The following SHROOM2 variants were observed in gnomAD, a reference collection of about 807,000 sequenced individuals.
SHROOM2 encodes the protein protein Shroom2.
A neutral mutation model predicts 75.9 loss-of-function variants in SHROOM2; 33 were observed. The observed-to-expected ratio is 0.43, with a 90% CI of 0.33 to 0.58. The LOEUF (loss-of-function observed/expected upper bound fraction) is 0.58, where lower values mean the gene tolerates loss of function less well. SHROOM2 is among the 20% of genes least tolerant of loss of function. SHROOM2 has a pLI of 0.04. For missense variants in SHROOM2, 1,434 were observed against 1,461.2 expected, an observed-to-expected ratio of 0.98 and a Z score of 0.30; for synonymous variants, 655 against 663.6, an observed-to-expected ratio of 0.99 and a Z score of 0.20.
intron 1 of SHROOM2, among the ~76,000 whole-genome samples, chrX:9,852,060 G>A (rs2084043832): frequency 9.0e-6 from 1 of 111,544 alleles, no homozygotes; most frequent in Non-Finnish European, 1.9e-5. Flanking sequence ...GTCCAGTAGA[G>A]AGGGCACGCT....
chrX:9,947,021 T>C lies in SHROOM2; in HGVS notation c.*84T>C. Reference sequence around the variant, plus strand: ...AGGATACTCGTGAAGACCCCATCTGTGTTCATGGCCTGGAAAGAGACTTCT... The same window carrying C: ...AGGATACTCGTGAAGACCCCATCTGCGTTCATGGCCTGGAAAGAGACTTCT... On this transcript the variant is annotated 3_prime_UTR_variant, in exon 10 of 10. Transcript: ENST00000380913. 2 of 958,170 alleles carry C rather than the reference T, an allele frequency of 2.1e-6. No individual in the cohort carries two copies. The highest frequency in any genetic ancestry group is 1.4e-6 in the Non-Finnish European group (1 of 711,052). 79.0% of individuals were successfully genotyped at this position (958,170 alleles called of 1,213,427 possible). A position where few individuals can be genotyped will look rare whatever the true frequency, so the allele number is the denominator to read the frequency against.
intron 1 of SHROOM2, among the ~76,000 whole-genome samples, chrX:9,807,264 C>T (rs895064041): frequency 8.9e-6 from 1 of 112,198 alleles, no homozygotes. Context: ...TGCAGGAAAG[C>T]CAGCCTGTGA....
At chrX:9,794,761 T>A (rs1289213662) in intron 1 of SHROOM2, among the ~76,000 whole-genome samples, 1 of 112,257 alleles carries the variant, frequency 8.9e-6, no homozygotes, top group Non-Finnish European at 1.9e-5. Flanking sequence ...ACAACACAAG[T>A]TTCTGCAGTC....
At chrX:9,858,837 G>T (rs1000169745) in intron 1 of SHROOM2, among the ~76,000 whole-genome samples, 1 of 111,502 alleles carries the variant, frequency 9.0e-6, no homozygotes, top group African/African-American at 3.3e-5. Context: ...GTGAGAAGGG[G>T]TGAGGATCTG....
chrX:9,786,574 C>G lies in SHROOM2; in HGVS notation c.29C>G (p.Pro10Arg). The G allele has an allele frequency of 1.2e-6, 1 of 862,062 alleles. No homozygotes were observed. Among genetic ancestry groups the G allele is most frequent in the African/African-American group, 2.1e-5 (1 of 46,671 alleles). 71.0% of individuals were successfully genotyped at this position (862,062 alleles called of 1,213,427 possible). A position where few individuals can be genotyped will look rare whatever the true frequency, so the allele number is the denominator to read the frequency against. The part of the protein sequence containing the change: MEGAEPRAR[P>R]ERLAEAETRA... ...GAGGGCGCCGAGCCCCGCGCGCGGC[C>G]CGAGCGCCTGGCCGAGGCCGAGACG... Residue 10 changes from proline to arginine, a missense_variant, in exon 1 of 10, where the codon CCC becomes CGC. Transcript: ENST00000380913.
chrX:9,848,232 C>T (rs1352216522), intron 1 of SHROOM2, among the ~76,000 whole-genome samples: 2 of 110,701 alleles, frequency 1.8e-5, no homozygotes, highest in Non-Finnish European at 3.8e-5. Context: ...TGGCCGGGCG[C>T]GGTGGCTCAC....
chrX:9,891,244 A>G, intron 3 of SHROOM2, 136 bp downstream of exon 3: 1 of 787,067 alleles, frequency 1.3e-6, no homozygotes, highest in Non-Finnish European at 1.7e-6. Context: ...AGGGCTCTGA[A>G]TTTTTGACTG....
intron 1 of SHROOM2, among the ~76,000 whole-genome samples, chrX:9,851,222 T>C (rs1304775445): frequency 9.0e-6 from 1 of 111,254 alleles, no homozygotes; most frequent in Non-Finnish European, 1.9e-5. Context: ...TGGCCCAGGC[T>C]GGTCTTGAAC....
intron 1 of SHROOM2, among the ~76,000 whole-genome samples, chrX:9,836,148 C>T (rs148127764): frequency 0.067 from 7,545 of 112,035 alleles, 433 homozygotes; most frequent in East Asian, 0.38. Context: ...GGCCCAGGCC[C>T]AAGGCAGCCG....
chrX:9,934,698 A>G (rs568669727), intron 6 of SHROOM2, among the ~76,000 whole-genome samples: 49 of 112,007 alleles, frequency 4.4e-4, no homozygotes, highest in African/African-American at 1.5e-3. Flanking sequence ...AAGAGAGACC[A>G]TTTCTGTTAA....
intron 6 of SHROOM2, among the ~76,000 whole-genome samples, chrX:9,936,096 GAAAC>G (rs2084702205): frequency 9.4e-6 from 1 of 105,954 alleles, no homozygotes; most frequent in African/African-American, 3.9e-5. Context: ...CTTTCATCCA[GAAAC>G]TTTTCTTTTT....
chrX:9,881,249 C>T (rs1164745064), intron 2 of SHROOM2, among the ~76,000 whole-genome samples: 2 of 111,669 alleles, frequency 1.8e-5, no homozygotes, highest in South Asian at 3.8e-4. Flanking sequence ...TTTAATAGTA[C>T]GGAAAGCAAG....
At chrX:9,837,907 C>T (rs2083955902) in intron 1 of SHROOM2, among the ~76,000 whole-genome samples, 1 of 111,015 alleles carries the variant, frequency 9.0e-6, no homozygotes, top group African/African-American at 3.3e-5. Context: ...TAGCACCTGC[C>T]CCCATGTATG....
intron 5 of SHROOM2, among the ~76,000 whole-genome samples, chrX:9,915,346 G>C (rs1371880069): frequency 3.6e-5 from 4 of 110,582 alleles, no homozygotes; most frequent in Non-Finnish European, 7.6e-5. Context: ...AAAAGCATAT[G>C]AATATATATG....
rs183523227 is a variant in SHROOM2, at chrX:9,896,705, A to C, written c.2790+7A>C. Reference sequence around the variant, plus strand: ...CACAGACCACTACAAGCAGGTAAGCATGGAGCCACAGCCCCCTTGACCATC... The same window carrying C: ...CACAGACCACTACAAGCAGGTAAGCCTGGAGCCACAGCCCCCTTGACCATC... On this transcript the variant is annotated splice_region_variant and intron_variant, in intron 4 of 9. Coordinates refer to ENST00000380913, the MANE Select transcript of SHROOM2 (RefSeq NM_001649.4). 6.9e-6 allele frequency: 8 copies of C among 1,158,875 alleles called. No individual in the cohort carries two copies. The African/African-American group carries it at 1.4e-4, about 21-fold the overall frequency.
chrX:9,807,342 C>T (rs535461959), intron 1 of SHROOM2, among the ~76,000 whole-genome samples: 308 of 112,203 alleles, frequency 2.7e-3, no homozygotes, highest in Middle Eastern at 0.019. Context: ...TTCAGGCGTG[C>T]GAGTTTGGGG....
intron 2 of SHROOM2, among the ~76,000 whole-genome samples, chrX:9,877,200 T>TGCGGGAGGAGACAG (rs1273285709): frequency 1.8e-5 from 2 of 111,774 alleles, no homozygotes; most frequent in African/African-American, 6.5e-5. Context: ...GGGAAAGCGA[T>TGCGGGAGGAGACAG]GCGGGAGGAG....
At chrX:9,800,075 C>T (rs187977753) in intron 1 of SHROOM2, among the ~76,000 whole-genome samples, 1 of 111,506 alleles carries the variant, frequency 9.0e-6, no homozygotes, top group African/African-American at 3.3e-5. Context: ...CCTTTGGAGC[C>T]TAAATACGGG....
intron 1 of SHROOM2, among the ~76,000 whole-genome samples, chrX:9,830,726 C>T (rs780013856): frequency 2.9e-5 from 3 of 104,892 alleles, no homozygotes; most frequent in East Asian, 6.2e-4. Context: ...CTCAGCCTCC[C>T]GAGTAGCTGG....
Sources: allele counts gnomAD v4.1 joint callset (sites outside exome capture counted in the v4.1 genomes callset), GRCh38; gene constraint gnomAD v4.1.1; transcripts MANE v1.5; gene names NCBI Gene and HGNC (gene_info 2026-07-23, HGNC 2026-07-21).